Variants in CDH18 observed in about 807,000 individuals in gnomAD.
CDH18 encodes the protein cadherin 18, also known as cadherin-18.
Under a neutral mutation model 67.9 loss-of-function variants are expected in CDH18, and 31 were observed. The ratio of observed to expected loss-of-function variants is 0.46; its 90% CI spans 0.34 to 0.62. The LOEUF (loss-of-function observed/expected upper bound fraction) is 0.62, where lower values mean the gene tolerates loss of function less well. CDH18 is among the 20% of genes least tolerant of loss of function. CDH18 has a pLI of 0.01. For missense variants in CDH18, 890 were observed against 975.5 expected, an observed-to-expected ratio of 0.91 and a Z score of 1.17; for synonymous variants, 362 against 347.2, an observed-to-expected ratio of 1.04 and a Z score of -0.48.
Position 19,504,415 on chromosome 5 carries a change from C to CT in CDH18, c.1513-1307dup, listed in dbSNP as rs796588353. Among the ~76,000 whole-genome samples the CT allele has an allele frequency of 7.7e-4, 114 of 148,984 alleles. 1 individual carries two copies. The highest frequency in any genetic ancestry group is 6.3e-3 in the East Asian group (32 of 5,084). On this transcript the variant is annotated intron_variant, in intron 10 of 12. Transcript: ENST00000382275. The stretch of plus-strand genomic sequence containing the variant: ...CCATATTTATTTATAAGCTGAAAAT[C>CT]TTTTTTTTTTATTTGAATACAACTA...
chr5:19,593,709 T>TCCTCCTCCTCCTTCC (rs70950076), intron 6 of CDH18, among the ~76,000 whole-genome samples: 6 of 111,228 alleles, frequency 5.4e-5, no homozygotes, highest in Non-Finnish European at 8.6e-5. Context: ...CTCCTCCTCC[T>TCCTCCTCCTCCTTCC]TCTTCTTCTT....
intron 5 of CDH18, among the ~76,000 whole-genome samples, chr5:19,621,023 T>A (rs1750604969): frequency 6.6e-6 from 1 of 152,258 alleles, no homozygotes; most frequent in East Asian, 1.9e-4. Context: ...GGTAAGAGAC[T>A]ATCTAAATAT....
At chr5:19,881,398 C>A (rs1317364238) in intron 2 of CDH18, among the ~76,000 whole-genome samples, 1 of 151,736 alleles carries the variant, frequency 6.6e-6, no homozygotes, top group African/African-American at 2.4e-5. Flanking sequence ...CATCAAAGGT[C>A]ATGGTTTTAT....
chr5:19,943,083 A>G (rs1302704801), intron 2 of CDH18, among the ~76,000 whole-genome samples: 1 of 152,120 alleles, frequency 6.6e-6, no homozygotes, highest in Non-Finnish European at 1.5e-5. Context: ...CAGTGATCAT[A>G]ATATAATAAT....
intron 4 of CDH18, among the ~76,000 whole-genome samples, chr5:19,730,560 A>G: frequency 6.6e-6 from 1 of 152,190 alleles, no homozygotes; most frequent in Non-Finnish European, 1.5e-5. Context: ...TAAATTTCAT[A>G]TGCATCTTAT....
chr5:19,588,222 T>C (rs1344996476), intron 7 of CDH18, among the ~76,000 whole-genome samples: 1 of 152,134 alleles, frequency 6.6e-6, no homozygotes, highest in East Asian at 1.9e-4. Context: ...TAGGGTTATG[T>C]CATCTGCAAA....
chr5:19,994,774 G>A (rs1561696208), intron 2 of CDH18, among the ~76,000 whole-genome samples: 1 of 94,414 alleles, frequency 1.1e-5, no homozygotes, highest in African/African-American at 4.5e-5. Flanking sequence ...GAGAGAGAGA[G>A]AGAGAGAGAG....
At chr5:20,428,599 G>A (rs1748501137) in intron 1 of CDH18, among the ~76,000 whole-genome samples, 1 of 152,156 alleles carries the variant, frequency 6.6e-6, no homozygotes, top group Admixed American at 6.5e-5. Flanking sequence ...ATCCTCGCCA[G>A]CATCTGTTGT....
intron 2 of CDH18, among the ~76,000 whole-genome samples, chr5:19,948,999 A>G (rs1795531184): frequency 6.6e-6 from 1 of 152,198 alleles, no homozygotes; most frequent in South Asian, 2.1e-4. Context: ...CAACTTAAGC[A>G]TACATTTTCA....
At chr5:20,310,930 A>C (rs1001061758) in intron 1 of CDH18, among the ~76,000 whole-genome samples, 10 of 152,154 alleles carry the variant, frequency 6.6e-5, no homozygotes, top group African/African-American at 2.4e-4. Flanking sequence ...TATAAATTCT[A>C]TCCAGTAACG....
chr5:20,457,471 C>A (rs1278278166), intron 1 of CDH18, among the ~76,000 whole-genome samples: 1 of 152,026 alleles, frequency 6.6e-6, no homozygotes, highest in Non-Finnish European at 1.5e-5. Flanking sequence ...AGCAAATGGA[C>A]AAAAAGTAAC....
At chr5:19,569,929 G>A (rs1348161767) in intron 8 of CDH18, among the ~76,000 whole-genome samples, 1 of 151,706 alleles carries the variant, frequency 6.6e-6, no homozygotes, top group Non-Finnish European at 1.5e-5. Flanking sequence ...ACTAATGGTT[G>A]CACTTCCTGT....
chr5:19,474,788 T>C (rs1738163655), intron 12 of CDH18, among the ~76,000 whole-genome samples: 1 of 152,144 alleles, frequency 6.6e-6, no homozygotes, highest in Admixed American at 6.6e-5. Context: ...TTGCTAAATA[T>C]GGTGGATTTG....
At chr5:20,366,897 C>G (rs745678056) in intron 1 of CDH18, among the ~76,000 whole-genome samples, 1 of 152,248 alleles carries the variant, frequency 6.6e-6, no homozygotes, top group Non-Finnish European at 1.5e-5. Context: ...TTCCTGGACT[C>G]TTGAACCAAG....
intron 8 of CDH18, 139 bp from the exon 9 acceptor site, chr5:19,544,144 T>A (rs955675823): frequency 1.5e-4 from 62 of 410,716 alleles, no homozygotes; most frequent in African/African-American, 1.2e-3. Context: ...GGCAACTTTA[T>A]ATTTTTATAG....
At chr5:20,433,895 C>G (rs761865436) in intron 1 of CDH18, among the ~76,000 whole-genome samples, 1 of 152,020 alleles carries the variant, frequency 6.6e-6, no homozygotes, top group Non-Finnish European at 1.5e-5. Flanking sequence ...CGTGTATACT[C>G]TTGTACTATA....
At chr5:19,524,816 G>T (rs905341427) in intron 9 of CDH18, among the ~76,000 whole-genome samples, 2 of 152,030 alleles carry the variant, frequency 1.3e-5, no homozygotes, top group African/African-American at 4.8e-5. Flanking sequence ...CGCGATCTCC[G>T]CTCACTACAA....
chr5:19,482,388 T>C (rs1370633248), intron 12 of CDH18, among the ~76,000 whole-genome samples: 1 of 152,178 alleles, frequency 6.6e-6, no homozygotes, highest in African/African-American at 2.4e-5. Flanking sequence ...AGTGCTGGGA[T>C]TACAGGCGTG....
At chr5:20,347,859 T>G (rs1408574261) in intron 1 of CDH18, among the ~76,000 whole-genome samples, 1 of 152,158 alleles carries the variant, frequency 6.6e-6, no homozygotes, top group East Asian at 1.9e-4. Flanking sequence ...ACTTCCTGGC[T>G]TCTGCCACAT....
Sources: gnomAD v4.1 joint callset for allele counts (sites outside exome capture counted in the v4.1 genomes callset) on GRCh38, gnomAD v4.1.1 for gene constraint, MANE v1.5 for transcripts, NCBI Gene and HGNC (gene_info 2026-07-23, HGNC 2026-07-21) for gene names.